PTPRN2: variants seen among roughly 807,000 people sequenced by gnomAD.
PTPRN2 encodes protein tyrosine phosphatase receptor type N2.
Under a neutral mutation model 118.8 loss-of-function variants are expected in PTPRN2, and 74 were observed. The observed-to-expected ratio is 0.62, with a 90% CI of 0.52 to 0.76. The LOEUF is 0.76. Ranked by LOEUF, PTPRN2 falls within the 30% of genes least tolerant of loss-of-function variation. The probability of loss-of-function intolerance (pLI) is 0.00; values close to 1 mark genes in which losing one functional copy is unlikely to be tolerated. For synonymous variants in PTPRN2, 641 were observed against 608.0 expected, an observed-to-expected ratio of 1.05 and a Z score of -0.80; for missense variants, 1,481 against 1,394.4, an observed-to-expected ratio of 1.06 and a Z score of -0.99.
Position 157,708,875 on chromosome 7 carries a change from T to C in PTPRN2, c.1789-25938A>G, listed in dbSNP as rs545584689. On this transcript the variant is annotated intron_variant, in intron 12 of 22. Coordinates refer to ENST00000389418, the MANE Select transcript of PTPRN2 (RefSeq NM_002847.5). ...TCACAATTCAATAACAAGCCACGTATGGCTCCATGAAAGCCACCAGTGAGA... is the reference window on the plus strand; with the variant it reads ...TCACAATTCAATAACAAGCCACGTACGGCTCCATGAAAGCCACCAGTGAGA... Among the ~76,000 whole-genome samples, 61 of 152,330 alleles carry C rather than the reference T, an allele frequency of 4.0e-4. No individual in the cohort carries two copies. In the South Asian group the frequency reaches 0.01, roughly 26 times the overall value.
intron 1 of PTPRN2, among the ~76,000 whole-genome samples, chr7:158,552,850 C>T (rs576219546): frequency 6.6e-6 from 1 of 152,326 alleles, no homozygotes; most frequent in East Asian, 1.9e-4. Context: ...TCCTGACACC[C>T]CAGAGAAACC....
Position 157,763,770 on chromosome 7 carries a change from C to T in PTPRN2, c.1789-80833G>A, listed in dbSNP as rs1802285603. 1.3e-5 allele frequency among the ~76,000 whole-genome samples: 2 copies of T among 152,088 alleles called. No homozygotes were observed. Among genetic ancestry groups the T allele is most frequent in the African/African-American group, 4.8e-5 (2 of 41,426 alleles). ...GGAGTCTCCTGAGGGCAGGAGAGCC[C>T]CGGCAGTGGTAGGAGGAGGCTGCAC... On this transcript the variant is annotated intron_variant, in intron 12 of 22. Transcript: ENST00000389418. This position sits in a 1 kb window ranked among gnomAD's most constrained non-coding sequence, Gnocchi z 4.9.
chr7:158,210,539 T>G (rs1411272850), intron 3 of PTPRN2, among the ~76,000 whole-genome samples: 1 of 152,066 alleles, frequency 6.6e-6, no homozygotes, highest in Admixed American at 6.6e-5. Flanking sequence ...AACAAAAAGT[T>G]GGTTTTTGAA....
intron 2 of PTPRN2, among the ~76,000 whole-genome samples, chr7:158,407,191 T>TCCC (rs1563254486): frequency 0.021 from 596 of 28,186 alleles, 68 homozygotes; most frequent in East Asian, 0.093. Context: ...TCCTGGGTCC[T>TCCC]GGGTCCTGGG....
Position 157,576,694 on chromosome 7 carries a change from C to G in PTPRN2, c.2702G>C (p.Arg901Pro), listed in dbSNP as rs776439122. ...YLKNLQTNET[R>P]TVTQFHFLSW... ...CAGGAAGTGGAACTGCGTCACGGTG[C>G]GCGTCTCGTTGGTCTGCAGGTTCTT... is the stretch of plus-strand genomic sequence containing the variant. Residue 901 changes from arginine to proline, a missense_variant, in exon 19 of 23, where the codon CGC (arginine) becomes CCC (proline). Around this residue, in one of 3 missense-constraint regions of PTPRN2, gnomAD observed 362 missense variants for 384.1 expected, o/e 0.94. Transcript: ENST00000389418. 6.2e-7 allele frequency: 1 copy of G among 1,611,262 alleles called. No homozygotes were observed. Among genetic ancestry groups the G allele is most frequent in the East Asian group, 2.2e-5 (1 of 44,826 alleles).
At chr7:158,318,598 G>C (rs569996587) in intron 2 of PTPRN2, among the ~76,000 whole-genome samples, 1 of 152,224 alleles carries the variant, frequency 6.6e-6, no homozygotes, top group Non-Finnish European at 1.5e-5. Context: ...TGAGGCCAGG[G>C]AGGCTCAGAA....
chr7:158,348,221 C>T lies in PTPRN2; in HGVS notation c.164-31289G>A, dbSNP rs185840978. On this transcript the variant is annotated intron_variant, in intron 2 of 22. Transcript: ENST00000389418. The stretch of plus-strand genomic sequence containing the variant: ...AGAGAGAAACTGGAGACAAAAGCAG[C>T]GGGGAGATGCTGCAGATCCCGGCCA... 7.2e-3 allele frequency among the ~76,000 whole-genome samples: 1,101 copies of T among 152,146 alleles called. 13 individuals are homozygous for T. The highest frequency in any genetic ancestry group is 0.025 in the African/African-American group (1,049 of 41,456).
chr7:158,356,299 A>C (rs1360336114), intron 2 of PTPRN2, among the ~76,000 whole-genome samples: 5 of 152,208 alleles, frequency 3.3e-5, no homozygotes, highest in Admixed American at 2.0e-4. Context: ...TTATTTATAA[A>C]GCCCCACTCA....
chr7:157,585,694 T>G lies in PTPRN2; in HGVS notation c.2497-7554A>C, dbSNP rs1800635804. Among the ~76,000 whole-genome samples, 1 of 152,112 alleles carries G rather than the reference T, an allele frequency of 6.6e-6. No homozygotes were observed. Among genetic ancestry groups the G allele is most frequent in the Admixed American group, 6.6e-5 (1 of 15,262 alleles). ...GCCTTTCCTTTTCAAGATCAGGACC[T>G]GACATAAATGCATCAGATCCAGTTG... is the stretch of plus-strand genomic sequence containing the variant. On this transcript the variant is annotated intron_variant, in intron 17 of 22. Transcript: ENST00000389418. This position sits in a 1 kb window ranked among gnomAD's most constrained non-coding sequence, Gnocchi z 5.2.
intron 1 of PTPRN2, among the ~76,000 whole-genome samples, chr7:158,545,098 G>A (rs935937451): frequency 6.6e-6 from 1 of 151,306 alleles, no homozygotes; most frequent in Non-Finnish European, 1.5e-5. Flanking sequence ...CTGGGAGCTG[G>A]CTCTCACTTC....
chr7:158,410,598 A>C (rs1462166898), intron 2 of PTPRN2, among the ~76,000 whole-genome samples: 2 of 152,242 alleles, frequency 1.3e-5, no homozygotes, highest in Non-Finnish European at 2.9e-5. Context: ...CGGTTTCCCC[A>C]ACTTCGGTAA....
chr7:158,258,303 G>A (rs1298587625), intron 3 of PTPRN2, among the ~76,000 whole-genome samples: 1 of 152,246 alleles, frequency 6.6e-6, no homozygotes, highest in African/African-American at 2.4e-5. Flanking sequence ...ATCTCCACGT[G>A]CAGCCCCTGC....
At chr7:158,043,530 CAAT>C (rs1351802847) in intron 11 of PTPRN2, among the ~76,000 whole-genome samples, 1 of 152,182 alleles carries the variant, frequency 6.6e-6, no homozygotes, top group Non-Finnish European at 1.5e-5. Flanking sequence ...TACTCACCAA[CAAT>C]AATATCTCCC....
chr7:158,381,870 A>G (rs986144757), intron 2 of PTPRN2, among the ~76,000 whole-genome samples: 5 of 152,158 alleles, frequency 3.3e-5, no homozygotes. Context: ...TTGTGCAGAG[A>G]AACTCCCCCT....
At chr7:158,253,853 G>T (rs1433213366) in intron 3 of PTPRN2, among the ~76,000 whole-genome samples, 1 of 151,980 alleles carries the variant, frequency 6.6e-6, no homozygotes, top group Non-Finnish European at 1.5e-5. Context: ...TTATCGAGCA[G>T]AGGAAGCATC....
In PTPRN2 at chr7:157,560,428, G is replaced by A. The variant is rs182708848; in HGVS notation, c.2902+8474C>T. On this transcript the variant is annotated intron_variant, in intron 21 of 22. Transcript: ENST00000389418. This position sits in a 1 kb window ranked among gnomAD's most constrained non-coding sequence, Gnocchi z 6.7. ...CGCTCCCACCAGGCGATCGACACCA[G>A]GGTCCGCCTGTGCCCTGCCTGGGTG... 8.5e-5 allele frequency among the ~76,000 whole-genome samples: 13 copies of A among 152,298 alleles called. No homozygotes were observed. In the East Asian group the frequency reaches 2.5e-3, roughly 29 times the overall value.
intron 12 of PTPRN2, among the ~76,000 whole-genome samples, chr7:157,814,506 G>A (rs1806265562): frequency 7.1e-6 from 1 of 141,152 alleles, no homozygotes; most frequent in East Asian, 2.0e-4. Flanking sequence ...ACACGGGGCA[G>A]GACGGGGCAG....
chr7:157,937,531 T>C (rs1799791436), intron 11 of PTPRN2, among the ~76,000 whole-genome samples: 1 of 152,178 alleles, frequency 6.6e-6, no homozygotes, highest in Non-Finnish European at 1.5e-5. Context: ...CCGTGTGCGG[T>C]GTGGCTTCAT....
At chr7:158,000,012 G>A (rs1305717310) in intron 11 of PTPRN2, among the ~76,000 whole-genome samples, 5 of 151,926 alleles carry the variant, frequency 3.3e-5, no homozygotes, top group African/African-American at 7.3e-5. Context: ...TCAGCCTCGC[G>A]AGAAGCTGGG....
Sources: gnomAD v4.1 joint callset for allele counts (sites outside exome capture counted in the v4.1 genomes callset) on GRCh38, gnomAD v4.1.1 for gene constraint, gnomAD v4.1.1 regional missense constraint, Gnocchi (gnomAD v3.1) non-coding constraint, MANE v1.5 for transcripts, NCBI Gene and HGNC (gene_info 2026-07-23, HGNC 2026-07-21) for gene names.